The following STRN variants were observed in gnomAD, a reference collection of about 807,000 sequenced individuals.
STRN encodes striatin.
Under a neutral mutation model 96.3 loss-of-function variants are expected in STRN, and 53 were observed. The observed-to-expected ratio is 0.55, with a 90% confidence interval of 0.44 to 0.69. The LOEUF is 0.69. Ranked by LOEUF, STRN falls within the 30% of genes least tolerant of loss-of-function variation. The pLI is 0.00. For synonymous variants in STRN, 428 were observed against 355.9 expected (o/e 1.20, Z -2.28); for missense variants, 987 against 963.9 (o/e 1.02, Z -0.32).
chr2:36,922,153 A>G (rs536212588), intron 2 of STRN, among the ~76,000 whole-genome samples: 54 of 152,264 alleles, frequency 3.5e-4, no homozygotes, highest in South Asian at 4.1e-4. Context: ...ATAGCAAATC[A>G]TTTTCAATTG....
chr2:36,908,337 G>T (rs138592345), intron 3 of STRN, among the ~76,000 whole-genome samples: 1 of 152,078 alleles, frequency 6.6e-6, no homozygotes, highest in Non-Finnish European at 1.5e-5. Context: ...GCAAATCAAT[G>T]GAATACTACT....
At chr2:36,908,167 T>C (rs1313159535) in intron 3 of STRN, among the ~76,000 whole-genome samples, 2 of 152,102 alleles carry the variant, frequency 1.3e-5, no homozygotes, top group Non-Finnish European at 2.9e-5. Context: ...AGTAAAAACA[T>C]TTACATTGCC....
chr2:36,869,462 T>C (rs1668709984), intron 11 of STRN, 92 bp downstream of exon 11: 2 of 1,163,894 alleles, frequency 1.7e-6, no homozygotes, highest in African/African-American at 1.6e-5. Context: ...AAGAAATGTT[T>C]GGGAAATTTA....
intron 1 of STRN, among the ~76,000 whole-genome samples, chr2:36,938,679 TG>T (rs1017121223): frequency 6.6e-6 from 1 of 152,328 alleles, no homozygotes; most frequent in African/African-American, 2.4e-5. Context: ...TCCTGTTTAA[TG>T]TTTAAGAATA....
intron 6 of STRN, among the ~76,000 whole-genome samples, chr2:36,898,285 A>T (rs1052462141): frequency 6.6e-6 from 1 of 152,360 alleles, no homozygotes; most frequent in Admixed American, 6.5e-5. Flanking sequence ...CCAGATGATC[A>T]GGACACAGAA....
At chr2:36,857,433 G>A (rs971926145) in intron 14 of STRN, among the ~76,000 whole-genome samples, 3 of 151,982 alleles carry the variant, frequency 2.0e-5, no homozygotes, top group African/African-American at 7.2e-5. Context: ...CCAGCACTTC[G>A]GGAGGCTGAG....
chr2:36,883,963 A>G lies in STRN; in HGVS notation c.1155T>C (p.Leu385=). The change falls in exon 9 of 18, where the codon CTT becomes CTC. Residue 385 remains leucine (L), a synonymous_variant. Transcript: ENST00000263918. ...CTGCCCTATTAATTTCATGTTCAGGAAGCCTGGAGCTGCTGGGTCTGGAAG... is the reference window on the plus strand; with the variant it reads ...CTGCCCTATTAATTTCATGTTCAGGGAGCCTGGAGCTGCTGGGTCTGGAAG... The part of the protein sequence containing the change: ...GSPSRPSSSR[L]PEHEINRADE... 1 of 1,418,700 alleles carries G rather than the reference A, an allele frequency of 7.0e-7. No homozygotes were observed. The highest frequency in any genetic ancestry group is 1.9e-5 in the South Asian group (1 of 52,228). The allele number at this position is 1,418,700 out of a possible 1,614,324, so 87.9% of individuals were successfully genotyped here.
Position 36,845,937 on chromosome 2 carries a change from ACACACACACACACACT to A in STRN, c.*3503_*3518del, listed in dbSNP as rs1668061972. On this transcript the variant is annotated 3_prime_UTR_variant, in exon 18 of 18. Transcript: ENST00000263918. Reference sequence around the variant, plus strand: ...CATGCACACACACACACACACACACACACACACACACACACTAACTCTCTCTCTCTCTCTGTGCCCC... The same window carrying A: ...CATGCACACACACACACACACACACAAACTCTCTCTCTCTCTCTGTGCCCC... 1 of 102,814 alleles carries A rather than the reference ACACACACACACACACT, an allele frequency of 9.7e-6. No homozygotes were observed. The highest frequency in any genetic ancestry group is 3.7e-5 in the African/African-American group (1 of 27,106). 6.4% of individuals were successfully genotyped at this position (102,814 alleles called of 1,614,324 possible). A position where few individuals can be genotyped will look rare whatever the true frequency, so the allele number is the denominator to read the frequency against.
Position 36,966,362 on chromosome 2 carries a change from G to A in STRN, c.102C>T (p.Gly34=). Residue 34 remains glycine (G), a synonymous_variant, in exon 1 of 18, where the codon GGC becomes GGT. Coordinates refer to ENST00000263918, the MANE Select transcript of STRN (RefSeq NM_003162.4). ...CCGCCCCCGCCGCAGCCGCCCCGTC[G>A]CCGGCCGCGGCAGCCTCCGCCAGAG... The part of the protein sequence containing the change: ...LGPLAEAAAA[G]DGAAAAGAAR... 2.0e-6 allele frequency: 3 copies of A among 1,468,332 alleles called. No homozygotes were observed. Among genetic ancestry groups the A allele is most frequent in the Middle Eastern group, 2.4e-4 (1 of 4,210 alleles). The allele number at this position is 1,468,332 out of a possible 1,614,324, so 91.0% of individuals were successfully genotyped here.
At chr2:36,894,938 C>A (rs2148189937) in intron 6 of STRN, among the ~76,000 whole-genome samples, 2 of 152,266 alleles carry the variant, frequency 1.3e-5, no homozygotes, top group Middle Eastern at 6.8e-3. Context: ...AGAAATCCTT[C>A]TCAGTACAGC....
rs1462782033 is a variant in STRN at position 36,957,820 on chromosome 2, G to T, written c.234+8410C>A. On this transcript the variant is annotated intron_variant, in intron 1 of 17. Coordinates refer to ENST00000263918, the MANE Select transcript of STRN (RefSeq NM_003162.4). The stretch of plus-strand genomic sequence containing the variant: ...GGCTGGATTGCAGTGGTGCAATCTC[G>T]GCTCACTGCAACCTCTGCCTCCCAG... 4.8e-4 allele frequency among the ~76,000 whole-genome samples: 58 copies of T among 121,544 alleles called. 1 individual carries two copies. Among genetic ancestry groups the T allele is most frequent in the African/African-American group, 1.6e-3 (53 of 32,134 alleles). 79.7% of individuals were successfully genotyped at this position (121,544 alleles called of 152,430 possible).
intron 3 of STRN, among the ~76,000 whole-genome samples, chr2:36,915,813 A>G (rs371324114): frequency 1.5e-4 from 23 of 152,314 alleles, no homozygotes; most frequent in East Asian, 9.6e-4. Context: ...ATGCTGGTGC[A>G]TGTTACCCCA....
chr2:36,873,127 A>T (rs1668808559), intron 10 of STRN, among the ~76,000 whole-genome samples: 1 of 152,256 alleles, frequency 6.6e-6, no homozygotes, highest in Non-Finnish European at 1.5e-5. Context: ...CATAAGGGTA[A>T]ACTAGAAAAA....
chr2:36,884,761 G>A (rs1188787914), intron 8 of STRN, among the ~76,000 whole-genome samples: 1 of 151,892 alleles, frequency 6.6e-6, no homozygotes, highest in South Asian at 2.1e-4. Flanking sequence ...GGATTTGACT[G>A]GAAATATCTC....
chr2:36,959,978 G>C, intron 1 of STRN, among the ~76,000 whole-genome samples: 1 of 151,888 alleles, frequency 6.6e-6, no homozygotes, highest in East Asian at 1.9e-4. Flanking sequence ...ACAAATAATA[G>C]GATACGTTTT....
Position 36,966,426 on chromosome 2 carries a change from T to C in STRN, c.38A>G (p.Asn13Ser), listed in dbSNP as rs1413013705. ...GGCACCGCCGGCGCCCGGGTGGTTG[T>C]TGCTGAAGAAGACGCCGGGACCCGC... ...EQAGPGVFFS[N>S]NHPGAGGAKG... Residue 13 changes from asparagine to serine, a missense_variant, in exon 1 of 18, where the codon AAC becomes AGC. By Grantham distance (46) the Asn-to-Ser change is conservative. Coordinates refer to ENST00000263918, the MANE Select transcript of STRN (RefSeq NM_003162.4). 6.8e-7 allele frequency: 1 copy of C among 1,466,644 alleles called. No individual in the cohort carries two copies. Among genetic ancestry groups the C allele is most frequent in the Non-Finnish European group, 9.0e-7 (1 of 1,110,588 alleles). 90.9% of individuals were successfully genotyped at this position (1,466,644 alleles called of 1,614,324 possible). A position where few individuals can be genotyped will look rare whatever the true frequency, so the allele number is the denominator to read the frequency against.
rs1424445357 is a variant in STRN at position 36,844,404 on chromosome 2, A to ACACC, written c.*5048_*5051dup. The ACACC allele has an allele frequency of 2.0e-5, 3 of 152,174 alleles. No individual in the cohort carries two copies. Among genetic ancestry groups the ACACC allele is most frequent in the African/African-American group, 7.2e-5 (3 of 41,446 alleles). 9.4% of individuals were successfully genotyped at this position (152,174 alleles called of 1,614,324 possible). ...GACATTTTCAGAGAGGAGCTAACTA[A>ACACC]CACCCACCCAGGGGGGAAAAATCAT... On this transcript the variant is annotated 3_prime_UTR_variant, in exon 18 of 18. Coordinates refer to ENST00000263918, the MANE Select transcript of STRN (RefSeq NM_003162.4).
rs1204367112 is a variant in STRN, at chr2:36,839,441, A to C, written c.*10015T>G. On this transcript the variant is annotated 3_prime_UTR_variant, in exon 18 of 18. Coordinates refer to ENST00000263918, the MANE Select transcript of STRN (RefSeq NM_003162.4). Reference sequence around the variant, plus strand: ...TTCATTTTAACCTATTTCTCCTAAAACCCTGATGTTCTAGAAGCTATCAGG... The same window carrying C: ...TTCATTTTAACCTATTTCTCCTAAACCCCTGATGTTCTAGAAGCTATCAGG... Among the ~76,000 whole-genome samples, 1 of 152,080 alleles carries C rather than the reference A, an allele frequency of 6.6e-6. No homozygotes were observed. The highest frequency in any genetic ancestry group is 1.5e-5 in the Non-Finnish European group (1 of 68,012).
rs954636741 is a variant in STRN at position 36,846,570 on chromosome 2, G to C, written c.*2886C>G. The C allele has an allele frequency of 1.3e-5, 2 of 149,784 alleles. No homozygotes were observed. Among genetic ancestry groups the C allele is most frequent in the African/African-American group, 4.9e-5 (2 of 40,680 alleles). The allele number at this position is 149,784 out of a possible 1,614,324, so 9.3% of individuals were successfully genotyped here. A position where few individuals can be genotyped will look rare whatever the true frequency, so the allele number is the denominator to read the frequency against. ...AAGAATACTGAAGGAATGAAAGTCA[G>C]ATTAAAAAAAAAATTTCTCACAAAG... On this transcript the variant is annotated 3_prime_UTR_variant, in exon 18 of 18. Coordinates refer to ENST00000263918, the MANE Select transcript of STRN (RefSeq NM_003162.4).
Sources: allele counts gnomAD v4.1 joint callset (sites outside exome capture counted in the v4.1 genomes callset), GRCh38; gene constraint gnomAD v4.1.1; transcripts MANE v1.5; gene names NCBI Gene and HGNC (gene_info 2026-07-23, HGNC 2026-07-21).